RNF17: variants seen among roughly 807,000 people sequenced by gnomAD.
RNF17 encodes spermatogenesis associated 23.
Under a neutral mutation model 200.5 loss-of-function variants are expected in RNF17, and 31 were observed. The ratio of observed to expected loss-of-function variants is 0.15; its 90% CI spans 0.12 to 0.21. RNF17 has a LOEUF of 0.21. RNF17 is among the 10% of genes least tolerant of loss of function. RNF17 has a pLI of 1.00. For missense variants in RNF17, 1,628 were observed against 1,905.1 expected, an observed-to-expected ratio of 0.85 and a Z score of 2.71; for synonymous variants, 606 against 637.8, an observed-to-expected ratio of 0.95 and a Z score of 0.75.
chr13:24,888,399 GGAAAT>G, the RNF17 span, among the ~76,000 whole-genome samples: 1 of 152,142 alleles, frequency 6.6e-6, no homozygotes, highest in Non-Finnish European at 1.5e-5. Flanking sequence ...AATGGACAAA[GGAAAT>G]GAACAGGCAG....
chr13:24,751,155 T>G, the RNF17 span: 1 of 152,126 alleles, frequency 6.6e-6, no homozygotes, highest in African/African-American at 2.4e-5. Flanking sequence ...CTTTTTCTTT[T>G]GACGCTTTCT....
chr13:24,887,516 T>C, the RNF17 span, among the ~76,000 whole-genome samples: 1 of 152,214 alleles, frequency 6.6e-6, no homozygotes, highest in South Asian at 2.1e-4. Context: ...GGATCCAGGT[T>C]GCACGCTCCT....
intron 21 of RNF17, 45 bp downstream of exon 21, chr13:24,844,847 C>T (rs762551362): frequency 4.9e-5 from 78 of 1,586,100 alleles, no homozygotes; most frequent in Non-Finnish European, 6.1e-5. Context: ...TGAATGAATG[C>T]ATTTTGTATT....
chr13:24,792,707 C>T (rs1011231487), intron 9 of RNF17, among the ~76,000 whole-genome samples: 2 of 152,136 alleles, frequency 1.3e-5, no homozygotes, highest in Admixed American at 6.6e-5. Flanking sequence ...CTTTGTTGAT[C>T]GTTATTTCCA....
chr13:24,836,812 C>A (rs1890044669), intron 18 of RNF17, among the ~76,000 whole-genome samples: 1 of 5,570 alleles, frequency 1.8e-4, no homozygotes. Context: ...AGTTAAAAAG[C>A]AAAAACAAAA....
chr13:24,760,012 G>A (rs1276565638), upstream of RNF17, among the ~76,000 whole-genome samples: 5 of 151,918 alleles, frequency 3.3e-5, no homozygotes, highest in Admixed American at 1.3e-4. Context: ...CGTGGGGAGC[G>A]CGCCTGTAAT....
chr13:24,815,114 A>G (rs1357991494), intron 15 of RNF17, among the ~76,000 whole-genome samples: 1 of 152,194 alleles, frequency 6.6e-6, no homozygotes, highest in Non-Finnish European at 1.5e-5. Flanking sequence ...ATTACATTGA[A>G]TTGTAAATCA....
chr13:24,860,424 A>G (rs1322971892), intron 26 of RNF17, among the ~76,000 whole-genome samples: 5 of 152,186 alleles, frequency 3.3e-5, no homozygotes, highest in Non-Finnish European at 4.4e-5. Context: ...TGGATTTTTC[A>G]TTTCTTAATC....
chr13:24,845,037 C>T lies in RNF17; in HGVS notation c.3059C>T (p.Thr1020Ile), dbSNP rs780445922. 14 of 1,598,692 alleles carry T rather than the reference C, an allele frequency of 8.8e-6. No individual in the cohort carries two copies. The highest frequency in any genetic ancestry group is 4.5e-5 in the East Asian group (2 of 44,756). ...CLRKLEENLK[T>I]MGRLSLECSL... ...AGAAAACTTGAAGAAAATCTAAAGA[C>T]AATGGGAAGACTCTCTTTGGAATGT... is the stretch of plus-strand genomic sequence containing the variant. Residue 1020 changes from threonine (T) to isoleucine (I), a missense_variant, in exon 22 of 36, where the codon ACA becomes ATA. Physicochemically the swap from Thr to Ile is moderately conservative, Grantham distance 89. This residue lies in a region of RNF17 where 227 missense variants were observed against 319.8 expected (regional missense o/e 0.71). Coordinates refer to ENST00000255324, the MANE Select transcript of RNF17 (RefSeq NM_031277.3).
At chr13:24,760,341 T>C (rs990500349), upstream of RNF17, among the ~76,000 whole-genome samples, 1 of 152,128 alleles carries the variant, frequency 6.6e-6, no homozygotes, top group African/African-American at 2.4e-5. Flanking sequence ...ATACAAGTAA[T>C]ACAAGTTTTC....
intron 18 of RNF17, among the ~76,000 whole-genome samples, chr13:24,836,510 C>T (rs1389056926): frequency 6.6e-6 from 1 of 152,184 alleles, no homozygotes; most frequent in Non-Finnish European, 1.5e-5. Context: ...GCAGATTTAT[C>T]AGCAGAAACC....
intron 2 of RNF17, among the ~76,000 whole-genome samples, chr13:24,773,582 T>C (rs1881104110): frequency 6.6e-6 from 1 of 152,136 alleles, no homozygotes; most frequent in African/African-American, 2.4e-5. Flanking sequence ...AGAAGAACTT[T>C]CTGTTGGGTT....
chr13:24,782,612 G>T (rs375425146), intron 6 of RNF17, among the ~76,000 whole-genome samples: 69 of 151,602 alleles, frequency 4.6e-4, no homozygotes, highest in Non-Finnish European at 7.2e-4. Context: ...AGATGGGGGG[G>T]GGATCTTTGA....
downstream of RNF17, chr13:24,882,976 A>AGAC: frequency 1.7e-6 from 1 of 587,852 alleles, no homozygotes; most frequent in South Asian, 2.0e-5. Context: ...GTCTATTGAA[A>AGAC]GACAGGGTAG....
intron 18 of RNF17, among the ~76,000 whole-genome samples, chr13:24,835,405 C>T (rs993421689): frequency 6.6e-6 from 1 of 152,196 alleles, no homozygotes; most frequent in South Asian, 2.1e-4. Context: ...AAGCTAAGAA[C>T]CTTCACAGCC....
At chr13:24,765,167 C>T (rs1423226467) in intron 1 of RNF17, among the ~76,000 whole-genome samples, 1 of 152,132 alleles carries the variant, frequency 6.6e-6, no homozygotes, top group Non-Finnish European at 1.5e-5. Context: ...AGGCGCCCGC[C>T]ACCACGCCCG....
intron 13 of RNF17, among the ~76,000 whole-genome samples, chr13:24,801,975 T>TTTTTCTTTC (rs1239696844): frequency 2.6e-5 from 4 of 151,828 alleles, no homozygotes; most frequent in Non-Finnish European, 5.9e-5. Context: ...GCTGTTTCTA[T>TTTTTCTTTC]TTTTCTTTCT....
intron 6 of RNF17, among the ~76,000 whole-genome samples, chr13:24,785,873 T>C (rs1003583514): frequency 6.6e-6 from 1 of 152,204 alleles, no homozygotes; most frequent in Non-Finnish European, 1.5e-5. Flanking sequence ...GCATGTATTA[T>C]CTTTTTCCAT....
intron 25 of RNF17, among the ~76,000 whole-genome samples, chr13:24,858,510 A>C (rs1447091895): frequency 6.6e-6 from 1 of 151,340 alleles, no homozygotes; most frequent in Non-Finnish European, 1.5e-5. Flanking sequence ...AAGATCACAC[A>C]ACTAAAGCAG....
Sources: gnomAD v4.1 joint callset for allele counts (sites outside exome capture counted in the v4.1 genomes callset) on GRCh38, gnomAD v4.1.1 for gene constraint, gnomAD v4.1.1 regional missense constraint, MANE v1.5 for transcripts, NCBI Gene and HGNC (gene_info 2026-07-23, HGNC 2026-07-21) for gene names.